The following CENPU variants were observed in gnomAD, a reference collection of about 807,000 sequenced individuals.
CENPU encodes centromere protein U.
Under a neutral mutation model 56.7 loss-of-function variants are expected in CENPU, and 46 were observed. That is an observed-to-expected ratio of 0.81 (90% CI 0.64 to 1.04). CENPU has a LOEUF of 1.04. CENPU is among the 50% of genes least tolerant of loss of function. CENPU has a pLI of 0.00. For synonymous variants in CENPU, 166 were observed against 163.0 expected (o/e 1.02, Z -0.14); for missense variants, 510 against 490.1 (o/e 1.04, Z -0.38).
At chr4:184,732,227 AT>A in intron 1 of CENPU, among the ~76,000 whole-genome samples, 1 of 149,398 alleles carries the variant, frequency 6.7e-6, no homozygotes, top group East Asian at 2.0e-4. Context: ...GATGTAAAAC[AT>A]CATTACTGTG....
intron 5 of CENPU, 92 bp downstream of exon 5, chr4:184,717,044 G>C (rs1414233673): frequency 1.3e-6 from 1 of 796,386 alleles, no homozygotes; most frequent in Non-Finnish European, 2.0e-6. Flanking sequence ...AATCTAAAGA[G>C]GAAATGAAAT....
intron 11 of CENPU, among the ~76,000 whole-genome samples, chr4:184,700,074 G>A (rs572847461): frequency 1.3e-5 from 2 of 152,134 alleles, no homozygotes; most frequent in Non-Finnish European, 2.9e-5. Flanking sequence ...TTAAGCTCAG[G>A]AGCAGACACC....
intron 4 of CENPU, among the ~76,000 whole-genome samples, chr4:184,719,277 G>A (rs537322583): frequency 2.0e-5 from 3 of 152,158 alleles, no homozygotes; most frequent in Non-Finnish European, 4.4e-5. Flanking sequence ...GTCTACAATC[G>A]CTGATACCAC....
intron 8 of CENPU, among the ~76,000 whole-genome samples, chr4:184,709,821 C>G (rs183961723): frequency 8.0e-5 from 12 of 150,270 alleles, no homozygotes; most frequent in African/African-American, 2.7e-4. Flanking sequence ...ATCACTGGAC[C>G]ATGATCTTTG....
At chr4:184,724,041 G>C (rs1761372766) in intron 4 of CENPU, among the ~76,000 whole-genome samples, 1 of 151,892 alleles carries the variant, frequency 6.6e-6, no homozygotes. Flanking sequence ...GAGGTGGGCA[G>C]ATCACGAGAT....
chr4:184,705,873 A>G (rs995292603), intron 8 of CENPU, among the ~76,000 whole-genome samples: 2 of 152,216 alleles, frequency 1.3e-5, no homozygotes, highest in African/African-American at 4.8e-5. Context: ...CAAATACTGG[A>G]TGGTTTCATT....
At chr4:184,712,516 G>A (rs1259420322) in intron 7 of CENPU, among the ~76,000 whole-genome samples, 2 of 152,146 alleles carry the variant, frequency 1.3e-5, no homozygotes, top group African/African-American at 2.4e-5. Flanking sequence ...TGTACTGTAT[G>A]TACATTTTAC....
At chr4:184,699,255 G>T (rs759392718) in intron 11 of CENPU, among the ~76,000 whole-genome samples, 2 of 152,040 alleles carry the variant, frequency 1.3e-5, no homozygotes, top group Non-Finnish European at 2.9e-5. Flanking sequence ...GCGCGAACCC[G>T]GGAGGCGGAG....
intron 2 of CENPU, among the ~76,000 whole-genome samples, chr4:184,729,815 C>T (rs1761576779): frequency 6.6e-6 from 1 of 152,128 alleles, no homozygotes; most frequent in African/African-American, 2.4e-5. Flanking sequence ...TCTGCTACCC[C>T]AAATCTAATG....
At chr4:184,721,740 C>A (rs114475167) in intron 4 of CENPU, among the ~76,000 whole-genome samples, 3,003 of 152,210 alleles carry the variant, frequency 0.02, 56 homozygotes, top group Middle Eastern at 0.037. Context: ...CACTGGAACA[C>A]CCAGATAGAT....
At chr4:184,717,242 T>C (rs781655122) in intron 4 of CENPU, 46 bp from the exon 5 acceptor site, 4 of 1,357,338 alleles carry the variant, frequency 2.9e-6, no homozygotes, top group East Asian at 4.6e-5. Context: ...ATTCCATTTA[T>C]ATTCACATGT....
Position 184,729,018 on chromosome 4 carries a change from G to A in CENPU, c.114C>T (p.Cys38=), listed in dbSNP as rs758905556. 13 of 1,613,256 alleles carry A rather than the reference G, an allele frequency of 8.1e-6. No homozygotes were observed. Among genetic ancestry groups the A allele is most frequent in the Non-Finnish European group, 1.1e-5 (13 of 1,179,512 alleles). Residue 38 remains cysteine (C), a synonymous_variant, in exon 3 of 13, where the codon TGC becomes TGT. Coordinates refer to ENST00000281453, the MANE Select transcript of CENPU (RefSeq NM_024629.4). ...GAAAGTCGAACACGTCAATAGGCTT[G>A]CACTTTTGACCAGCTTTCTAAAAGT... ...HSMKDKAGQK[C]KPIDVFDFPD... is the part of the protein sequence containing the mutation.
intron 8 of CENPU, among the ~76,000 whole-genome samples, chr4:184,703,096 G>GT (rs1210791805): frequency 6.6e-6 from 1 of 152,140 alleles, no homozygotes; most frequent in East Asian, 1.9e-4. Flanking sequence ...CCGGAAACAT[G>GT]TATCAGCAAA....
intron 8 of CENPU, among the ~76,000 whole-genome samples, chr4:184,709,341 G>A (rs987393218): frequency 6.6e-6 from 1 of 152,012 alleles, no homozygotes; most frequent in Non-Finnish European, 1.5e-5. Flanking sequence ...GCAAAAATTA[G>A]CTGGGCGGGG....
At chr4:184,720,233 C>T (rs529697427) in intron 4 of CENPU, among the ~76,000 whole-genome samples, 9 of 151,958 alleles carry the variant, frequency 5.9e-5, no homozygotes, top group South Asian at 2.1e-4. Flanking sequence ...AAAAATGTAA[C>T]GGACATACTA....
chr4:184,703,217 G>C (rs1314868640), intron 8 of CENPU, among the ~76,000 whole-genome samples: 1 of 152,212 alleles, frequency 6.6e-6, no homozygotes, highest in Non-Finnish European at 1.5e-5. Flanking sequence ...AATGCTTATG[G>C]ATACTCCCAA....
intron 8 of CENPU, among the ~76,000 whole-genome samples, chr4:184,703,197 G>GT (rs1760601413): frequency 6.6e-6 from 1 of 152,236 alleles, no homozygotes; most frequent in Admixed American, 6.5e-5. Flanking sequence ...GTGATACCAA[G>GT]TAAGGTAGAA....
At chr4:184,704,509 A>C (rs1377013773) in intron 8 of CENPU, among the ~76,000 whole-genome samples, 1 of 152,032 alleles carries the variant, frequency 6.6e-6, no homozygotes, top group Non-Finnish European at 1.5e-5. Flanking sequence ...GTACACTGTT[A>C]ACACAATGAC....
At position 184,716,501 on chromosome 4, in the gene CENPU, C is replaced by G. The variant is rs577409026; in HGVS notation, c.514G>C (p.Glu172Gln). Residue 172 changes from glutamate (E) to glutamine (Q), a missense_variant, in exon 6 of 13, where the codon GAA becomes CAA. Physicochemically the swap from Glu to Gln is conservative, Grantham distance 29 (BLOSUM62 2). Transcript: ENST00000281453. Reference sequence around the variant, plus strand: ...GACTCAGCTGGTTTCTCTGAAAGTTCTGAAGACGCTGTGGTTCGAATAACC... The same window carrying G: ...GACTCAGCTGGTTTCTCTGAAAGTTGTGAAGACGCTGTGGTTCGAATAACC... ...HEVIRTTASS[E>Q]LSEKPAESVT... 1 of 1,614,162 alleles carries G rather than the reference C, an allele frequency of 6.2e-7. No homozygotes were observed.
Sources: allele counts gnomAD v4.1 joint callset (sites outside exome capture counted in the v4.1 genomes callset), GRCh38; gene constraint gnomAD v4.1.1; transcripts MANE v1.5; gene names NCBI Gene and HGNC (gene_info 2026-07-23, HGNC 2026-07-21).